Variants in ZBTB16 observed in about 807,000 individuals in gnomAD.
ZBTB16 encodes zinc finger and BTB domain containing 16.
ZBTB16 carries 8 observed loss-of-function variants against 56.8 expected under a neutral mutation model. The observed-to-expected ratio is 0.14, with a 90% CI of 0.08 to 0.25. ZBTB16 has a LOEUF of 0.25. ZBTB16 is among the 10% of genes least tolerant of loss of function. The pLI, the probability that ZBTB16 is intolerant of heterozygous loss-of-function variation, is 1.00. For synonymous variants in ZBTB16, 363 were observed against 368.5 expected, an observed-to-expected ratio of 0.98 and a Z score of 0.17; for missense variants, 625 against 903.0, an observed-to-expected ratio of 0.69 and a Z score of 3.95.
chr11:114,157,530 T>C (rs928201212), intron 3 of ZBTB16, among the ~76,000 whole-genome samples: 9 of 152,210 alleles, frequency 5.9e-5, no homozygotes, highest in Non-Finnish European at 1.0e-4. Flanking sequence ...CTGAGCCTGT[T>C]GCCCCGGGGG....
rs184183496 is a variant in ZBTB16 at position 114,124,500 on chromosome 11, G to T, written c.1269-31837G>T. Among the ~76,000 whole-genome samples the T allele has an allele frequency of 2.1e-4, 31 of 147,532 alleles. No individual in the cohort carries two copies. In the East Asian group the frequency reaches 5.8e-3, roughly 28 times the overall value. Reference sequence around the variant, plus strand: ...AGCCTTGCTAAGCTCTGGGATTAAGGCCAGTCATTTGGAAAGGGGATGGGG... The same window carrying T: ...AGCCTTGCTAAGCTCTGGGATTAAGTCCAGTCATTTGGAAAGGGGATGGGG... On this transcript the variant is annotated intron_variant, in intron 2 of 6. Transcript: ENST00000335953.
At chr11:114,077,739 G>A (rs1296640344) in intron 2 of ZBTB16, among the ~76,000 whole-genome samples, 1 of 152,186 alleles carries the variant, frequency 6.6e-6, no homozygotes, top group African/African-American at 2.4e-5. Flanking sequence ...AAAGGGAGGG[G>A]AAATCCCACC....
At chr11:114,231,168 C>T (rs563814408) in intron 4 of ZBTB16, among the ~76,000 whole-genome samples, 42 of 152,270 alleles carry the variant, frequency 2.8e-4, no homozygotes, top group Admixed American at 1.2e-3. Context: ...ATTGTTCAGA[C>T]AAGGAAATTG....
chr11:114,242,452 C>T, intron 5 of ZBTB16, 115 bp downstream of exon 5: 4 of 1,449,554 alleles, frequency 2.8e-6, no homozygotes, highest in Admixed American at 1.9e-5. Flanking sequence ...TCCTTCTGCT[C>T]AAGGCTTGGA....
At chr11:114,152,477 T>C (rs765560422) in intron 2 of ZBTB16, among the ~76,000 whole-genome samples, 3 of 152,236 alleles carry the variant, frequency 2.0e-5, no homozygotes, top group Non-Finnish European at 4.4e-5. Context: ...CTTGAGACAA[T>C]AGAAACTGGT....
chr11:114,216,209 G>C lies in ZBTB16; in HGVS notation c.1454-25958G>C, dbSNP rs544957385. Among the ~76,000 whole-genome samples the C allele has an allele frequency of 2.6e-5, 4 of 152,298 alleles. No individual in the cohort carries two copies. The East Asian group carries it at 7.7e-4, about 29-fold the overall frequency. ...CTTGCACACACAGGCACCTGTAAAG[G>C]CTGCAGCTTTGGTCTATTGGATGGG... On this transcript the variant is annotated intron_variant, in intron 4 of 6. Transcript: ENST00000335953.
At chr11:114,178,801 C>A (rs1943179846) in intron 3 of ZBTB16, among the ~76,000 whole-genome samples, 1 of 152,178 alleles carries the variant, frequency 6.6e-6, no homozygotes, top group African/African-American at 2.4e-5. Context: ...GATGTCTCAG[C>A]ATTTCCTCCT....
chr11:114,227,974 T>C (rs1247492060), intron 4 of ZBTB16, among the ~76,000 whole-genome samples: 3 of 152,158 alleles, frequency 2.0e-5, no homozygotes, highest in African/African-American at 7.2e-5. Flanking sequence ...AGAACTCTTA[T>C]CATCCCGTAA....
At position 114,089,784 on chromosome 11, in the gene ZBTB16, T is replaced by C. The variant is rs79514938; in HGVS notation, c.1268+25216T>C. 1.9e-3 allele frequency among the ~76,000 whole-genome samples: 282 copies of C among 152,344 alleles called. 8 individuals are homozygous for C. The East Asian group carries it at 0.052, about 28-fold the overall frequency. Reference sequence around the variant, plus strand: ...AGAATTTGTGAACCTGGTATAGGTATGAGGTGAGAGAGGCCAGGAGGTCTG... The same window carrying C: ...AGAATTTGTGAACCTGGTATAGGTACGAGGTGAGAGAGGCCAGGAGGTCTG... On this transcript the variant is annotated intron_variant, in intron 2 of 6. Coordinates refer to ENST00000335953, the MANE Select transcript of ZBTB16 (RefSeq NM_006006.6).
chr11:114,212,607 G>T (rs1380517275), intron 4 of ZBTB16, among the ~76,000 whole-genome samples: 1 of 152,212 alleles, frequency 6.6e-6, no homozygotes, highest in Non-Finnish European at 1.5e-5. Flanking sequence ...CAGGCACTGG[G>T]CTCTGATTCT....
chr11:114,117,113 C>T (rs1023290573), intron 2 of ZBTB16, among the ~76,000 whole-genome samples: 1 of 151,996 alleles, frequency 6.6e-6, no homozygotes, highest in African/African-American at 2.4e-5. Context: ...GAGGGAAAGG[C>T]ATTCCAGGTA....
At chr11:114,110,323 T>C (rs1167274622) in intron 2 of ZBTB16, among the ~76,000 whole-genome samples, 1 of 152,172 alleles carries the variant, frequency 6.6e-6, no homozygotes, top group Non-Finnish European at 1.5e-5. Context: ...AAGGCAGCAA[T>C]CTGGGGTCAC....
intron 3 of ZBTB16, among the ~76,000 whole-genome samples, chr11:114,165,265 CAG>C (rs1304890176): frequency 1.3e-5 from 2 of 152,364 alleles, no homozygotes; most frequent in East Asian, 3.9e-4. Flanking sequence ...CCTTGCCTCT[CAG>C]GGGCCAGAGT....
chr11:114,234,957 G>T (rs1944533020), intron 4 of ZBTB16, among the ~76,000 whole-genome samples: 1 of 152,050 alleles, frequency 6.6e-6, no homozygotes, highest in African/African-American at 2.4e-5. Flanking sequence ...GGTCACGAAG[G>T]TTGCCCATGC....
chr11:114,212,811 C>T (rs985461650), intron 4 of ZBTB16, among the ~76,000 whole-genome samples: 5 of 152,072 alleles, frequency 3.3e-5, no homozygotes, highest in South Asian at 2.1e-4. Flanking sequence ...CATCCCCCAT[C>T]GCCTGCCTCG....
At chr11:114,081,969 GTGTGA>G (rs1939779832) in intron 2 of ZBTB16, among the ~76,000 whole-genome samples, 1 of 152,028 alleles carries the variant, frequency 6.6e-6, no homozygotes, top group Non-Finnish European at 1.5e-5. Context: ...CTTGCAAACT[GTGTGA>G]TGTTGGCCAT....
At chr11:114,235,685 TCTTTCTTTTCTTTCTTTC>T (rs1476622533) in intron 4 of ZBTB16, among the ~76,000 whole-genome samples, 642 of 26,152 alleles carry the variant, frequency 0.025, 6 homozygotes, top group Non-Finnish European at 0.046. Flanking sequence ...TTTCTTTCTT[TCTTTCTTTTCTTTCTTTC>T]TTTTCTTTCT....
intron 3 of ZBTB16, among the ~76,000 whole-genome samples, chr11:114,172,646 C>T (rs944400766): frequency 2.0e-5 from 3 of 152,204 alleles, no homozygotes; most frequent in Admixed American, 1.3e-4. Context: ...TGCACGTTTG[C>T]AGATGCTCAC....
At chr11:114,066,115 T>C (rs1191314396) in intron 2 of ZBTB16, among the ~76,000 whole-genome samples, 1 of 152,214 alleles carries the variant, frequency 6.6e-6, no homozygotes, top group Non-Finnish European at 1.5e-5. Context: ...CTTGGGTGGA[T>C]TCTCCACTTC....
Sources: gnomAD v4.1 joint callset for allele counts (sites outside exome capture counted in the v4.1 genomes callset) on GRCh38, gnomAD v4.1.1 for gene constraint, MANE v1.5 for transcripts, NCBI Gene and HGNC (gene_info 2026-07-23, HGNC 2026-07-21) for gene names.